BSN: variants seen among roughly 807,000 people sequenced by gnomAD.
The protein encoded by BSN is protein bassoon.
In BSN, 57 loss-of-function variants were observed where a neutral mutation model predicts 264.8. That is an observed-to-expected ratio of 0.22 (90% CI 0.17 to 0.27). The LOEUF (loss-of-function observed/expected upper bound fraction) is 0.27. Ranked by LOEUF, BSN falls within the 10% of genes least tolerant of loss-of-function variation. The pLI, the probability that BSN is intolerant of heterozygous loss-of-function variation, is 1.00. For missense variants in BSN, 4,615 were observed against 5,232.5 expected, an observed-to-expected ratio of 0.88 and a Z score of 3.64; for synonymous variants, 2,059 against 2,137.3, an observed-to-expected ratio of 0.96 and a Z score of 1.01.
intron 1 of BSN, among the ~76,000 whole-genome samples, chr3:49,605,089 A>G (rs1290623734): frequency 2.7e-5 from 4 of 149,576 alleles, no homozygotes; most frequent in East Asian, 2.0e-4. Flanking sequence ...GTGAAACCCC[A>G]TCTCTACTAA....
rs2052556038 is a variant in BSN at position 49,652,856 on chromosome 3, C to T, written c.3300C>T (p.Ile1100=). 4 of 1,604,878 alleles carry T rather than the reference C, an allele frequency of 2.5e-6. No homozygotes were observed. The highest frequency in any genetic ancestry group is 2.6e-6 in the Non-Finnish European group (3 of 1,174,612). Reference sequence around the variant, plus strand: ...CACCACCCAGTAACTTGTCACCCATCGAGGATGCCTCCCCGACGGAGGAGC... The same window carrying T: ...CACCACCCAGTAACTTGTCACCCATTGAGGATGCCTCCCCGACGGAGGAGC... ...SKTPPSNLSP[I]EDASPTEELR... is the part of the protein sequence containing the mutation. Residue 1100 remains isoleucine (I), a synonymous_variant, in exon 5 of 12, where the codon ATC becomes ATT. Coordinates refer to ENST00000296452, the MANE Select transcript of BSN (RefSeq NM_003458.4).
chr3:49,667,989 G>A lies in BSN; in HGVS notation c.*504G>A, dbSNP rs906530646. 1 of 152,680 alleles carries A rather than the reference G, an allele frequency of 6.5e-6. No individual in the cohort carries two copies. Among genetic ancestry groups the A allele is most frequent in the African/African-American group, 2.4e-5 (1 of 41,440 alleles). The allele number at this position is 152,680 out of a possible 1,614,324, so 9.5% of individuals were successfully genotyped here. ...GAGAGGGGCTTTGACTGAGGGCTGG[G>A]GGCCCTGGGCTCCGTTTCCTTCACA... On this transcript the variant is annotated 3_prime_UTR_variant, in exon 12 of 12. Coordinates refer to ENST00000296452, the MANE Select transcript of BSN (RefSeq NM_003458.4).
chr3:49,660,863 C>T lies in BSN; in HGVS notation c.9018C>T (p.Gly3006=), dbSNP rs749127680. 6.8e-6 allele frequency: 11 copies of T among 1,613,118 alleles called. No homozygotes were observed. The highest frequency in any genetic ancestry group is 1.7e-5 in the Admixed American group (1 of 60,014). The change falls in exon 6 of 12, where the codon GGC becomes GGT. Residue 3006 remains glycine (G), a synonymous_variant. Coordinates refer to ENST00000296452, the MANE Select transcript of BSN (RefSeq NM_003458.4). This position sits in a 1 kb window ranked among gnomAD's most constrained non-coding sequence, Gnocchi z 7.1. Reference sequence around the variant, plus strand: ...ACTACCCACCCTTGCGTGGTCTTGGCGAGCATCGTGACTACCTATCGGACA... The same window carrying T: ...ACTACCCACCCTTGCGTGGTCTTGGTGAGCATCGTGACTACCTATCGGACA... ...GRDYPPLRGL[G]EHRDYLSDSE...
downstream of BSN, among the ~76,000 whole-genome samples, chr3:49,673,087 C>CTTTTTTTTTTTTTTTTTTTTTTTTTTT (rs71080543): frequency 2.5e-4 from 11 of 43,216 alleles, 3 homozygotes; most frequent in Non-Finnish European, 4.3e-4. Context: ...CCGGCCGGGA[C>CTTTTTTTTTTTTTTTTTTTTTTTTTTT]TTTTTTTTTT....
intron 1 of BSN, among the ~76,000 whole-genome samples, chr3:49,622,444 C>T (rs1474921090): frequency 6.6e-6 from 1 of 152,160 alleles, no homozygotes; most frequent in Non-Finnish European, 1.5e-5. Flanking sequence ...TATTCACTGT[C>T]ACCACAGCTG....
At position 49,663,354 on chromosome 3, in the gene BSN, C is replaced by G. The variant is rs1263812995; in HGVS notation, c.11196C>G (p.Pro3732=). The change falls in exon 7 of 12, where the codon CCC becomes CCG. Residue 3732 remains proline (P), a synonymous_variant. Transcript: ENST00000296452. The part of the protein sequence containing the change: ...KKGSRQAHSG[P]AALQSKAEPQ... ...GCTCCCGGCAAGCCCACTCCGGGCC[C>G]GCTGCACTGCAGTCAAAGGCAGAAC... 2 of 1,613,408 alleles carry G rather than the reference C, an allele frequency of 1.2e-6. No homozygotes were observed. The highest frequency in any genetic ancestry group is 2.7e-5 in the African/African-American group (2 of 74,956).
intron 2 of BSN, chr3:49,641,913 A>C: frequency 4.4e-6 from 1 of 226,350 alleles, no homozygotes; most frequent in Non-Finnish European, 8.6e-6. Flanking sequence ...AAGCAGGGGA[A>C]GGCTACTGGG....
At chr3:49,631,483 GGGAAAATCTAGGCT>G (rs1309124548) in intron 2 of BSN, among the ~76,000 whole-genome samples, 2 of 151,576 alleles carry the variant, frequency 1.3e-5, no homozygotes, top group African/African-American at 4.9e-5. Context: ...ACTTGAGCCT[GGGAAAATCTAGGCT>G]ACATGAGCCA....
chr3:49,631,422 G>T (rs916118135), intron 2 of BSN, among the ~76,000 whole-genome samples: 1 of 152,032 alleles, frequency 6.6e-6, no homozygotes, highest in African/African-American at 2.4e-5. Context: ...AAGATACATG[G>T]TGGTGCATGC....
At chr3:49,592,298 C>T (rs1457897482) in intron 1 of BSN, among the ~76,000 whole-genome samples, 1 of 150,940 alleles carries the variant, frequency 6.6e-6, no homozygotes, top group Non-Finnish European at 1.5e-5. Context: ...TTAGTAGACA[C>T]GGGGTTTCGC....
chr3:49,569,621 C>T (rs1307481932), intron 1 of BSN, among the ~76,000 whole-genome samples: 1 of 152,178 alleles, frequency 6.6e-6, no homozygotes, highest in African/African-American at 2.4e-5. Context: ...GGCCTACTGT[C>T]GTCCATCCTC....
At chr3:49,649,703 G>A (rs1031220431) in intron 3 of BSN, among the ~76,000 whole-genome samples, 3 of 152,216 alleles carry the variant, frequency 2.0e-5, no homozygotes, top group African/African-American at 7.2e-5. Flanking sequence ...ACTTGTAAAT[G>A]ACCTGTTTGG....
intron 7 of BSN, 57 bp from the exon 8 acceptor site, chr3:49,663,730 C>A: frequency 6.2e-7 from 1 of 1,610,214 alleles, no homozygotes; most frequent in Non-Finnish European, 8.5e-7. Flanking sequence ...GCTTGGACAT[C>A]CCCTTGGTTC....
At chr3:49,578,523 T>A (rs577429813) in intron 1 of BSN, among the ~76,000 whole-genome samples, 1 of 152,124 alleles carries the variant, frequency 6.6e-6, no homozygotes, top group Non-Finnish European at 1.5e-5. Context: ...TTCTCCTGCC[T>A]CAGCCTCCCG....
In BSN at chr3:49,652,844, C is replaced by T; in HGVS notation, c.3288C>T (p.Asn1096=). ...RRERSKTPPS[N]LSPIEDASPT... ...AGCGCTCCAAGACACCACCCAGTAA[C>T]TTGTCACCCATCGAGGATGCCTCCC... is the stretch of plus-strand genomic sequence containing the variant. The change falls in exon 5 of 12, where the codon AAC becomes AAT. Residue 1096 remains asparagine (N), a synonymous_variant. Coordinates refer to ENST00000296452, the MANE Select transcript of BSN (RefSeq NM_003458.4). 1 of 1,599,820 alleles carries T rather than the reference C, an allele frequency of 6.3e-7. No homozygotes were observed. The highest frequency in any genetic ancestry group is 2.2e-5 in the East Asian group (1 of 44,682).
At position 49,642,261 on chromosome 3, in the gene BSN, TC is replaced by T; in HGVS notation, c.634-5del. On this transcript the variant is annotated splice_region_variant and splice_polypyrimidine_tract_variant and intron_variant, in intron 2 of 11. Transcript: ENST00000296452. This position sits in a 1 kb window ranked among gnomAD's most constrained non-coding sequence, Gnocchi z 7.0. ...CACCCTGCTGACTATTTTGCTTTTC[TC>T]CTCAGGTGAAGGAGTGGCTCTGTCT... is the stretch of plus-strand genomic sequence containing the variant. 1 of 1,514,754 alleles carries T rather than the reference TC, an allele frequency of 6.6e-7. No homozygotes were observed. The highest frequency in any genetic ancestry group is 8.8e-7 in the Non-Finnish European group (1 of 1,131,578). 93.8% of individuals were successfully genotyped at this position (1,514,754 alleles called of 1,614,324 possible).
chr3:49,652,569 G>A lies in BSN; in HGVS notation c.3013G>A (p.Asp1005Asn), dbSNP rs1355526446. The A allele has an allele frequency of 6.2e-7, 1 of 1,613,384 alleles. No homozygotes were observed. Among genetic ancestry groups the A allele is most frequent in the Admixed American group, 1.7e-5 (1 of 60,006 alleles). The change falls in exon 5 of 12, where the codon GAC (aspartate) becomes AAC (asparagine). Residue 1005 changes from aspartate (D) to asparagine (N), a missense_variant. Around this residue, in one of 3 missense-constraint regions of BSN, gnomAD observed 1,197 missense variants for 1,348.0 expected, o/e 0.89. Coordinates refer to ENST00000296452, the MANE Select transcript of BSN (RefSeq NM_003458.4). ...CACCTCTCTGTCCTCCCTAGAGGAG[G>A]ACAGTGACAGCAGCCCCAGCCGCAG... ...SPTSLSSLEE[D>N]SDSSPSRRQR...
intron 1 of BSN, among the ~76,000 whole-genome samples, chr3:49,566,751 A>G (rs2051754815): frequency 1.4e-5 from 2 of 145,290 alleles, no homozygotes; most frequent in African/African-American, 5.1e-5. Flanking sequence ...GTGCCACTGC[A>G]CTCCAGCCTG....
intron 1 of BSN, among the ~76,000 whole-genome samples, chr3:49,606,211 GTATA>G (rs370104978): frequency 2.8e-3 from 34 of 11,960 alleles, no homozygotes; most frequent in Non-Finnish European, 3.9e-3. Flanking sequence ...TATTATATAT[GTATA>G]TATTATATAT....
Sources: gnomAD v4.1 joint callset for allele counts (sites outside exome capture counted in the v4.1 genomes callset) on GRCh38, gnomAD v4.1.1 for gene constraint, gnomAD v4.1.1 regional missense constraint, Gnocchi (gnomAD v3.1) non-coding constraint, MANE v1.5 for transcripts, NCBI Gene and HGNC (gene_info 2026-07-23, HGNC 2026-07-21) for gene names.